ATRX: variants seen among roughly 807,000 people sequenced by gnomAD.
ATRX encodes chromatin remodeler ATRX.
A neutral mutation model predicts 172.6 loss-of-function variants in ATRX; 12 were observed. The ratio of observed to expected loss-of-function variants is 0.07; its 90% confidence interval spans 0.04 to 0.11. The LOEUF (loss-of-function observed/expected upper bound fraction) is 0.11. Among genes scored for constraint, ATRX ranks in the 10% least tolerant of loss-of-function variants. ATRX has a pLI of 1.00. For missense variants in ATRX, 1,368 were observed against 1,767.4 expected (o/e 0.77, Z 4.05); for synonymous variants, 674 against 594.7 (o/e 1.13, Z -1.94).
intron 4 of ATRX, among the ~76,000 whole-genome samples, chrX:77,697,131 C>A (rs1408060678): frequency 9.0e-6 from 1 of 111,730 alleles, no homozygotes; most frequent in African/African-American, 3.2e-5. Flanking sequence ...TTATGTATGA[C>A]TTGAGTTGAC....
At chrX:77,553,225 T>G (rs142107480) in intron 30 of ATRX, among the ~76,000 whole-genome samples, 1 of 111,559 alleles carries the variant, frequency 9.0e-6, no homozygotes, top group Non-Finnish European at 1.9e-5. Flanking sequence ...AAATTCTAAT[T>G]ATAAATCAAG....
At chrX:77,766,166 G>A (rs1484381192) in intron 1 of ATRX, among the ~76,000 whole-genome samples, 6 of 111,993 alleles carry the variant, frequency 5.4e-5, no homozygotes, top group East Asian at 5.6e-4. Flanking sequence ...CCACAAAACC[G>A]CCACTGTCAT....
chrX:77,555,703 CA>C (rs1302230359), intron 30 of ATRX, among the ~76,000 whole-genome samples: 12 of 109,129 alleles, frequency 1.1e-4, no homozygotes. Context: ...TGGGGCCTGT[CA>C]GGGGGTGGGG....
chrX:77,638,294 T>G (rs1557109409), intron 15 of ATRX, among the ~76,000 whole-genome samples: 1 of 111,991 alleles, frequency 8.9e-6, no homozygotes, highest in Non-Finnish European at 1.9e-5. Context: ...AAATCCCATC[T>G]CTACTAAAAA....
chrX:77,758,477 C>T (rs950063797), intron 1 of ATRX, among the ~76,000 whole-genome samples: 29 of 100,725 alleles, frequency 2.9e-4, no homozygotes, highest in Admixed American at 5.5e-4. Flanking sequence ...AAATGCTCGC[C>T]GGGCACGGTG....
chrX:77,642,730 C>T (rs1024342235), intron 15 of ATRX, among the ~76,000 whole-genome samples: 2 of 111,153 alleles, frequency 1.8e-5, no homozygotes, highest in African/African-American at 6.5e-5. Context: ...AACTCCAGTT[C>T]CCACACAGAA....
At position 77,681,967 on chromosome X, in the gene ATRX, G is replaced by A. The variant is rs2148577012; in HGVS notation, c.3289C>T (p.Leu1097Phe). Reference sequence around the variant, plus strand: ...TGTCTCTTCCTTGAACTCTTTCCAAGCAACTTGCACCTTTTCTTCTCTCTA... The same window carrying A: ...TGTCTCTTCCTTGAACTCTTTCCAAACAACTTGCACCTTTTCTTCTCTCTA... ...YGREKKRCKL[L>F]GKSSRKRQDC... Residue 1097 changes from leucine to phenylalanine, a missense_variant, in exon 9 of 35, where the codon CTT (leucine) becomes TTT (phenylalanine). By Grantham distance (22) the Leu-to-Phe change is conservative. This residue lies in a region of ATRX where 843 missense variants were observed against 643.1 expected (regional missense o/e 1.31). Transcript: ENST00000373344. The A allele has an allele frequency of 8.3e-7, 1 of 1,209,879 alleles. No individual in the cohort carries two copies. The highest frequency in any genetic ancestry group is 1.8e-5 in the South Asian group (1 of 56,937).
chrX:77,701,556 G>A (rs782650976), intron 2 of ATRX, among the ~76,000 whole-genome samples: 10 of 109,952 alleles, frequency 9.1e-5, no homozygotes, highest in African/African-American at 2.6e-4. Flanking sequence ...AAGGAAGAAA[G>A]GAAATTTTAA....
chrX:77,735,517 G>A (rs1379273142), intron 1 of ATRX, among the ~76,000 whole-genome samples: 3 of 109,582 alleles, frequency 2.7e-5, no homozygotes, highest in South Asian at 3.8e-4. Flanking sequence ...GCGTGAACCC[G>A]GGAGGCGGAG....
chrX:77,713,793 T>G (rs1297031220), intron 2 of ATRX, among the ~76,000 whole-genome samples: 6 of 111,465 alleles, frequency 5.4e-5, no homozygotes, highest in African/African-American at 2.0e-4. Flanking sequence ...GAATCACAAA[T>G]GTATGCTGTG....
intron 15 of ATRX, among the ~76,000 whole-genome samples, chrX:77,642,563 G>T (rs2068705667): frequency 1.8e-5 from 2 of 108,810 alleles, no homozygotes; most frequent in Non-Finnish European, 3.8e-5. Context: ...GCTGAAGTGG[G>T]AGAATTGCTT....
chrX:77,670,867 G>C lies in ATRX; in HGVS notation c.3809+5359C>G, dbSNP rs935744555. ...AGTTTTCTATTAAAAAATATGACTG[G>C]CCAGGCACGGTGGCTCATGCCTGTA... On this transcript the variant is annotated intron_variant, in intron 10 of 34. Transcript: ENST00000373344. Among the ~76,000 whole-genome samples, 13 of 107,287 alleles carry C rather than the reference G, an allele frequency of 1.2e-4. No homozygotes were observed. In the Admixed American group the frequency reaches 1.3e-3, roughly 11 times the overall value. The allele number at this position is 107,287 out of a possible 115,157, so 93.2% of individuals were successfully genotyped here.
At chrX:77,559,419 A>G (rs782474921) in intron 28 of ATRX, among the ~76,000 whole-genome samples, 17 of 105,811 alleles carry the variant, frequency 1.6e-4, no homozygotes, top group African/African-American at 4.8e-4. Context: ...TTGGAACACA[A>G]GCATTTATAA....
At chrX:77,715,498 G>A (rs1446003026) in intron 2 of ATRX, among the ~76,000 whole-genome samples, 2 of 112,182 alleles carry the variant, frequency 1.8e-5, no homozygotes, top group Non-Finnish European at 3.8e-5. Context: ...AGTGATGCAT[G>A]ACTGCACTTT....
intron 12 of ATRX, among the ~76,000 whole-genome samples, chrX:77,657,854 T>C (rs1302638581): frequency 9.0e-6 from 1 of 111,125 alleles, no homozygotes; most frequent in Non-Finnish European, 1.9e-5. Flanking sequence ...TTCTTTACAG[T>C]GGAAAAATAC....
At chrX:77,628,301 C>T (rs898564983) in intron 19 of ATRX, among the ~76,000 whole-genome samples, 2 of 112,852 alleles carry the variant, frequency 1.8e-5, no homozygotes, top group African/African-American at 3.2e-5. Context: ...AAATGTGGAA[C>T]ATTCTTCTAA....
At chrX:77,691,563 AT>A (rs2071889621) in intron 6 of ATRX, among the ~76,000 whole-genome samples, 2 of 111,324 alleles carry the variant, frequency 1.8e-5, no homozygotes, top group South Asian at 3.7e-4. Context: ...GATACTGAAA[AT>A]TTTTTAAAAA....
At chrX:77,778,066 T>C (rs367718059) in intron 1 of ATRX, among the ~76,000 whole-genome samples, 125 of 100,751 alleles carry the variant, frequency 1.2e-3, no homozygotes, top group African/African-American at 3.1e-3. Context: ...ACCCAGGAGG[T>C]GGAGGTTGCA....
intron 1 of ATRX, among the ~76,000 whole-genome samples, chrX:77,753,075 C>T (rs1385428982): frequency 9.0e-6 from 1 of 111,239 alleles, no homozygotes; most frequent in East Asian, 2.8e-4. Context: ...TGGTATCATT[C>T]GGCTGTGAAT....
Sources: gnomAD v4.1 joint callset for allele counts (sites outside exome capture counted in the v4.1 genomes callset) on GRCh38, gnomAD v4.1.1 for gene constraint, gnomAD v4.1.1 regional missense constraint, MANE v1.5 for transcripts, NCBI Gene and HGNC (gene_info 2026-07-23, HGNC 2026-07-21) for gene names.